ATP6V0A1: variants seen among roughly 807,000 people sequenced by gnomAD.
ATP6V0A1 encodes V-type proton ATPase 116 kDa subunit a 1.
Under a neutral mutation model 105.4 loss-of-function variants are expected in ATP6V0A1, and 43 were observed. The observed-to-expected ratio is 0.41, with a 90% CI of 0.32 to 0.53. The LOEUF is 0.53. Among genes scored for constraint, ATP6V0A1 ranks in the 20% least tolerant of loss-of-function variants. ATP6V0A1 has a pLI of 0.30. For synonymous variants in ATP6V0A1, 362 were observed against 372.8 expected (o/e 0.97, Z 0.33); for missense variants, 676 against 1,051.1 (o/e 0.64, Z 4.93).
At chr17:42,515,318 T>C (rs1263508613) in intron 21 of ATP6V0A1, among the ~76,000 whole-genome samples, 1 of 146,270 alleles carries the variant, frequency 6.8e-6, no homozygotes, top group East Asian at 2.0e-4. Context: ...TATACAAAAA[T>C]TAGCCAGGTG....
chr17:42,475,618 G>C (rs964278411), intron 5 of ATP6V0A1, among the ~76,000 whole-genome samples: 5 of 152,268 alleles, frequency 3.3e-5, no homozygotes, highest in African/African-American at 9.6e-5. Context: ...GAAGCCAAAA[G>C]ATCAGACACC....
At chr17:42,470,762 T>C (rs2087787122) in intron 5 of ATP6V0A1, 1 of 154,942 alleles carries the variant, frequency 6.5e-6, no homozygotes, top group Admixed American at 6.4e-5. Flanking sequence ...TTGAAACTTC[T>C]GGATTATCAC....
chr17:42,494,252 G>A, intron 11 of ATP6V0A1, 82 bp from the exon 12 acceptor site: 5 of 1,376,692 alleles, frequency 3.6e-6, no homozygotes, highest in Non-Finnish European at 3.9e-6. Context: ...AAAGGGGGGT[G>A]GGTATGGAAA....
At chr17:42,482,970 A>C in intron 8 of ATP6V0A1, 68 bp from the exon 9 acceptor site, 1 of 1,149,968 alleles carries the variant, frequency 8.7e-7, no homozygotes, top group Non-Finnish European at 1.2e-6. Context: ...CTTCTGGTAC[A>C]TTAGGATTAC....
At chr17:42,509,902 C>T (rs1460964209) in intron 19 of ATP6V0A1, 1 of 152,052 alleles carries the variant, frequency 6.6e-6, no homozygotes, top group Non-Finnish European at 1.5e-5. Flanking sequence ...TTATCTTTAT[C>T]AGGCACATAT....
chr17:42,508,439 G>A (rs987000045), intron 18 of ATP6V0A1, 133 bp from the exon 19 acceptor site: 1 of 1,104,100 alleles, frequency 9.1e-7, no homozygotes, highest in Non-Finnish European at 1.4e-6. Flanking sequence ...ATGCTGAGGA[G>A]GCCTGCCTCC....
intron 19 of ATP6V0A1, chr17:42,510,060 C>T (rs934724156): frequency 6.6e-6 from 1 of 152,238 alleles, no homozygotes; most frequent in Non-Finnish European, 1.5e-5. Context: ...CCCATGCAGG[C>T]CCTTGCTCCA....
At chr17:42,461,770 A>AAAC (rs561780451) in intron 2 of ATP6V0A1, among the ~76,000 whole-genome samples, 363 of 152,142 alleles carry the variant, frequency 2.4e-3, no homozygotes, top group African/African-American at 8.2e-3. Context: ...ACTCCGTCTC[A>AAAC]AACAACAACA....
At chr17:42,482,305 C>T (rs2089612752) in intron 8 of ATP6V0A1, among the ~76,000 whole-genome samples, 1 of 152,012 alleles carries the variant, frequency 6.6e-6, no homozygotes, top group Non-Finnish European at 1.5e-5. Context: ...TGCCACCATG[C>T]CCGACTAATT....
At chr17:42,468,346 A>G (rs1177234290) in intron 4 of ATP6V0A1, among the ~76,000 whole-genome samples, 1 of 152,206 alleles carries the variant, frequency 6.6e-6, no homozygotes, top group Admixed American at 6.5e-5. Flanking sequence ...TGGAGTATCC[A>G]TCACCTTGAG....
At chr17:42,474,978 G>A (rs546273500) in intron 5 of ATP6V0A1, among the ~76,000 whole-genome samples, 103 of 152,304 alleles carry the variant, frequency 6.8e-4, no homozygotes, top group African/African-American at 2.5e-3. Flanking sequence ...TCTTGCTTAT[G>A]AAGAACTGTA....
intron 13 of ATP6V0A1, 89 bp downstream of exon 13, chr17:42,495,277 T>A: frequency 4.3e-6 from 6 of 1,379,476 alleles, no homozygotes; most frequent in South Asian, 2.6e-5. Flanking sequence ...GACACTTCTT[T>A]AGGAAGTGGT....
intron 19 of ATP6V0A1, chr17:42,510,387 T>C (rs1312632250): frequency 6.6e-6 from 1 of 152,202 alleles, no homozygotes; most frequent in African/African-American, 2.4e-5. Flanking sequence ...CCGGATGCTA[T>C]AGGAGCACAG....
rs754421311 is a variant in ATP6V0A1, at chr17:42,483,093, G to A, written c.772G>A (p.Ala258Thr). Residue 258 changes from alanine (A) to threonine (T), a missense_variant, in exon 9 of 22, where the codon GCT (alanine) becomes ACT (threonine). By Grantham distance (58) the Ala-to-Thr change is moderately conservative. This residue lies in a region of ATP6V0A1 where 239 missense variants were observed against 388.4 expected (regional missense o/e 0.62). Coordinates refer to ENST00000343619, the MANE Select transcript of ATP6V0A1 (RefSeq NM_001130021.3). Reference protein sequence around the residue: ...PETPQERKEMASGVNTRIDDL... With the variant: ...PETPQERKEMTSGVNTRIDDL... ...GACACCACAGGAGAGGAAGGAAATG[G>A]CTTCTGGAGTGAATACCAGGATTGA... The A allele has an allele frequency of 3.2e-6, 5 of 1,561,450 alleles. 1 individual carries two copies. Among genetic ancestry groups the A allele is most frequent in the Non-Finnish European group, 4.3e-6 (5 of 1,150,278 alleles).
intron 17 of ATP6V0A1, among the ~76,000 whole-genome samples, chr17:42,505,387 G>A (rs1352742557): frequency 1.3e-5 from 2 of 152,072 alleles, no homozygotes; most frequent in Admixed American, 6.5e-5. Flanking sequence ...TGTATTTTTA[G>A]TAGAGACAGG....
intron 9 of ATP6V0A1, 146 bp from the exon 10 acceptor site, chr17:42,487,009 G>A (rs1424397314): frequency 1.6e-5 from 12 of 742,566 alleles, no homozygotes; most frequent in Non-Finnish European, 2.6e-5. Flanking sequence ...TTGTAATTTG[G>A]AAAAAAGAAA....
chr17:42,481,069 G>T, intron 8 of ATP6V0A1: 1 of 182,310 alleles, frequency 5.5e-6, no homozygotes, highest in Non-Finnish European at 1.1e-5. Context: ...CTACAGGCGT[G>T]TGCCACCATA....
At chr17:42,504,323 C>T (rs1431526376) in intron 17 of ATP6V0A1, among the ~76,000 whole-genome samples, 1 of 152,170 alleles carries the variant, frequency 6.6e-6, no homozygotes, top group African/African-American at 2.4e-5. Flanking sequence ...TCTCATCCCC[C>T]TTCCTGTAAC....
intron 21 of ATP6V0A1, among the ~76,000 whole-genome samples, chr17:42,515,946 T>TA (rs1305130025): frequency 1.3e-5 from 2 of 152,218 alleles, no homozygotes; most frequent in Non-Finnish European, 2.9e-5. Flanking sequence ...TTTGGGTCTC[T>TA]ATTTTCTCCT....
Sources: gnomAD v4.1 joint callset for allele counts (sites outside exome capture counted in the v4.1 genomes callset) on GRCh38, gnomAD v4.1.1 for gene constraint, gnomAD v4.1.1 regional missense constraint, MANE v1.5 for transcripts, NCBI Gene and HGNC (gene_info 2026-07-23, HGNC 2026-07-21) for gene names.